Variants in KRTAP10-3 observed in about 807,000 individuals in gnomAD.
KRTAP10-3 encodes keratin-associated protein 10-3.
For synonymous variants in KRTAP10-3, 151 were observed against 126.2 expected, an observed-to-expected ratio of 1.20 and a Z score of -1.32; for missense variants, 341 against 293.4, an observed-to-expected ratio of 1.16 and a Z score of -1.19.
At position 44,558,327 on chromosome 21, in the gene KRTAP10-3, G is replaced by C. The variant is rs200250794; in HGVS notation, c.389C>G (p.Ser130Cys). ...CTGGCAGCATGAAGAGGAAGCCCCA[G>C]AGCAGACGGGCACACAGCAGATGGG... The part of the protein sequence containing the change: ...CKPICCVPVC[S>C]GASSSCCQQS... The change falls in exon 1 of 1, where the codon TCT (serine) becomes TGT (cysteine). Residue 130 changes from serine to cysteine, a missense_variant. Ser to Cys is a moderately radical substitution (Grantham distance 112, BLOSUM62 -1). Coordinates refer to ENST00000391620, the MANE Select transcript of KRTAP10-3 (RefSeq NM_198696.3). The C allele has an allele frequency of 2.1e-4, 344 of 1,613,984 alleles. 1 individual carries two copies. The highest frequency in any genetic ancestry group is 2.5e-4 in the Non-Finnish European group (300 of 1,179,864).
In KRTAP10-3 at chr21:44,558,202, C is replaced by T. The variant is rs782686391; in HGVS notation, c.514G>A (p.Val172Met). 9 of 1,556,604 alleles carry T rather than the reference C, an allele frequency of 5.8e-6. No homozygotes were observed. Among genetic ancestry groups the T allele is most frequent in the Non-Finnish European group, 7.0e-6 (8 of 1,139,852 alleles). The change falls in exon 1 of 1, where the codon GTG becomes ATG. Residue 172 changes from valine to methionine, a missense_variant. Transcript: ENST00000391620. ...CRPVCRSTCC[V>M]PIPSCCAPAS... ...GGGGCACAGCAGGAGGGGATGGGCA[C>T]ACAGCAGGTGGACCTGCACACGGGG...
In KRTAP10-3 at chr21:44,558,543, C is replaced by T. The variant is rs782643732; in HGVS notation, c.173G>A (p.Cys58Tyr). The T allele has an allele frequency of 1.2e-5, 19 of 1,613,274 alleles. No individual in the cohort carries two copies. The highest frequency in any genetic ancestry group is 1.6e-5 in the Non-Finnish European group (19 of 1,179,790). ...GGGGCTGGGCTCACAGGCCGCCTGG[C>T]AGCAGGGGCTGGACACACAGCTCAC... ...TPVSCVSSPCCQAACEPSPCQ... is the reference protein window; with the variant it reads ...TPVSCVSSPCYQAACEPSPCQ... The change falls in exon 1 of 1, where the codon TGC becomes TAC. Residue 58 changes from cysteine to tyrosine, a missense_variant. Coordinates refer to ENST00000391620, the MANE Select transcript of KRTAP10-3 (RefSeq NM_198696.3).
In KRTAP10-3 at chr21:44,558,425, C is replaced by A; in HGVS notation, c.291G>T (p.Gln97His). The A allele has an allele frequency of 6.2e-7, 1 of 1,613,944 alleles. No individual in the cohort carries two copies. The highest frequency in any genetic ancestry group is 1.1e-5 in the South Asian group (1 of 91,070). ...TGCAGCAGACAGGCACGCAGCAGGCCTGCTGGCAGGGGGAGGATGTGCAGC... is the reference window on the plus strand; with the variant it reads ...TGCAGCAGACAGGCACGCAGCAGGCATGCTGGCAGGGGGAGGATGTGCAGC... ...PACCTSSPCQ[Q>H]ACCVPVCCKP... The change falls in exon 1 of 1, where the codon CAG (glutamine) becomes CAT (histidine). Residue 97 changes from glutamine to histidine, a missense_variant. By Grantham distance (24) the Gln-to-His change is conservative (BLOSUM62 0). Transcript: ENST00000391620.
In KRTAP10-3 at chr21:44,558,735, G is replaced by A. The variant is rs782666224; in HGVS notation, c.-20C>T. 4.4e-6 allele frequency: 7 copies of A among 1,577,714 alleles called. No individual in the cohort carries two copies. In the African/African-American group the frequency reaches 8.0e-5, roughly 18 times the overall value. On this transcript the variant is annotated 5_prime_UTR_variant, in exon 1 of 1. Transcript: ENST00000391620. ...GGCCATGCTGGGGTGGGGAGGAGGT[G>A]AGCTGGGGGAGACGTGAGTGAGTGA...
chr21:44,558,764 T>TGGGAGTGAGTGA lies in KRTAP10-3; in HGVS notation c.-61_-50dup. 1.3e-6 allele frequency: 2 copies of TGGGAGTGAGTGA among 1,558,896 alleles called. No individual in the cohort carries two copies. ...TGGGGGAGACGTGAGTGAGTGAGTG[T>TGGGAGTGAGTGA]GGGAGTGAGTGAGGGAGTGAGTGAG... On this transcript the variant is annotated 5_prime_UTR_variant, in exon 1 of 1. Coordinates refer to ENST00000391620, the MANE Select transcript of KRTAP10-3 (RefSeq NM_198696.3).
chr21:44,558,678 T>C lies in KRTAP10-3; in HGVS notation c.38A>G (p.Tyr13Cys), dbSNP rs200908019. 2.6e-4 allele frequency: 425 copies of C among 1,612,518 alleles called. No individual in the cohort carries two copies. In the African/African-American group the frequency reaches 3.1e-3, roughly 12 times the overall value. ...GGCGTCCACCTGCCAGGAGTCAGAG[T>C]AAGCGCTGGAGCAGACGGACATGGT... Reference protein sequence around the residue: ...TSTMSVCSSAYSDSWQVDACP... With the variant: ...TSTMSVCSSACSDSWQVDACP... The change falls in exon 1 of 1, where the codon TAC becomes TGC. Residue 13 changes from tyrosine (Y) to cysteine (C), a missense_variant. Tyr to Cys is a radical substitution (Grantham distance 194). Transcript: ENST00000391620.
At position 44,558,741 on chromosome 21, in the gene KRTAP10-3, G is replaced by C. The variant is rs782201613; in HGVS notation, c.-26C>G. On this transcript the variant is annotated 5_prime_UTR_variant, in exon 1 of 1. Coordinates refer to ENST00000391620, the MANE Select transcript of KRTAP10-3 (RefSeq NM_198696.3). ...GCTGGGGTGGGGAGGAGGTGAGCTG[G>C]GGGAGACGTGAGTGAGTGAGTGTGG... 1.9e-6 allele frequency: 3 copies of C among 1,575,722 alleles called. No individual in the cohort carries two copies. Among genetic ancestry groups the C allele is most frequent in the Admixed American group, 1.7e-5 (1 of 57,464 alleles).
At position 44,558,683 on chromosome 21, in the gene KRTAP10-3, G is replaced by T. The variant is rs144613025; in HGVS notation, c.33C>A (p.Ser11Arg). The change falls in exon 1 of 1, where the codon AGC (serine) becomes AGA (arginine). Residue 11 changes from serine to arginine, a missense_variant. Ser to Arg is a moderately radical substitution (Grantham distance 110). Coordinates refer to ENST00000391620, the MANE Select transcript of KRTAP10-3 (RefSeq NM_198696.3). MATSTMSVCSSAYSDSWQVDA... is the reference protein window; with the variant it reads MATSTMSVCSRAYSDSWQVDA... ...CCACCTGCCAGGAGTCAGAGTAAGC[G>T]CTGGAGCAGACGGACATGGTAGACG... The T allele has an allele frequency of 4.3e-6, 7 of 1,612,178 alleles. No individual in the cohort carries two copies. In the African/African-American group the frequency reaches 5.3e-5, roughly 12 times the overall value.
chr21:44,558,533 G>A lies in KRTAP10-3; in HGVS notation c.183C>T (p.Ala61=), dbSNP rs199618499. The change falls in exon 1 of 1, where the codon GCC becomes GCT. Residue 61 remains alanine, a synonymous_variant. Coordinates refer to ENST00000391620, the MANE Select transcript of KRTAP10-3 (RefSeq NM_198696.3). ...SCVSSPCCQA[A]CEPSPCQSGC... is the part of the protein sequence containing the mutation. The stretch of plus-strand genomic sequence containing the variant: ...CTGACTGGCAGGGGCTGGGCTCACA[G>A]GCCGCCTGGCAGCAGGGGCTGGACA... 2 of 1,613,500 alleles carry A rather than the reference G, an allele frequency of 1.2e-6. No individual in the cohort carries two copies. The highest frequency in any genetic ancestry group is 8.5e-7 in the Non-Finnish European group (1 of 1,179,812).
rs1239699490 is a variant in KRTAP10-3, at chr21:44,558,618, G to A, written c.98C>T (p.Ala33Val). ...GGGGGCCGGGGCGCAGCAGCTGGTGGCGCAGCAGGGGGGCTCACAGCAGCT... is the reference window on the plus strand; with the variant it reads ...GGGGGCCGGGGCGCAGCAGCTGGTGACGCAGCAGGGGGGCTCACAGCAGCT... ...PESCCEPPCCATSCCAPAPCL... is the reference protein window; with the variant it reads ...PESCCEPPCCVTSCCAPAPCL... The change falls in exon 1 of 1, where the codon GCC becomes GTC. Residue 33 changes from alanine to valine, a missense_variant. Transcript: ENST00000391620. 3 of 1,606,060 alleles carry A rather than the reference G, an allele frequency of 1.9e-6. No homozygotes were observed. Among genetic ancestry groups the A allele is most frequent in the East Asian group, 4.5e-5 (2 of 44,840 alleles).
chr21:44,557,967 A>C lies in KRTAP10-3; in HGVS notation c.*83T>G. ...GGTGCAGTGGCTATGGGCAGAGGAG[A>C]CTCAGACAGGGCTCAGGGCTGCAAG... On this transcript the variant is annotated 3_prime_UTR_variant, in exon 1 of 1. Coordinates refer to ENST00000391620, the MANE Select transcript of KRTAP10-3 (RefSeq NM_198696.3). 6.7e-7 allele frequency: 1 copy of C among 1,486,506 alleles called. No homozygotes were observed. Among genetic ancestry groups the C allele is most frequent in the East Asian group, 2.3e-5 (1 of 43,436 alleles). 92.1% of individuals were successfully genotyped at this position (1,486,506 alleles called of 1,614,324 possible).
rs374857522 is a variant in KRTAP10-3 at position 44,558,203 on chromosome 21, A to G, written c.513T>C (p.Cys171=). ...GGGCACAGCAGGAGGGGATGGGCAC[A>G]CAGCAGGTGGACCTGCACACGGGGC... ...LCRPVCRSTC[C]VPIPSCCAPA... Residue 171 remains cysteine (C), a synonymous_variant, in exon 1 of 1, where the codon TGT becomes TGC. Coordinates refer to ENST00000391620, the MANE Select transcript of KRTAP10-3 (RefSeq NM_198696.3). 8.2e-5 allele frequency: 127 copies of G among 1,557,368 alleles called. No homozygotes were observed. Among genetic ancestry groups the G allele is most frequent in the Middle Eastern group, 1.7e-4 (1 of 5,840 alleles).
In KRTAP10-3 at chr21:44,558,568, C is replaced by G. The variant is rs1250120036; in HGVS notation, c.148G>C (p.Val50Leu). ...APCLTLVCTPVSCVSSPCCQA... is the reference protein window; with the variant it reads ...APCLTLVCTPLSCVSSPCCQA... ...CAGCAGGGGCTGGACACACAGCTCA[C>G]TGGGGTGCAGACCAGGGTCAGGCAG... The change falls in exon 1 of 1, where the codon GTG (valine) becomes CTG (leucine). Residue 50 changes from valine (V) to leucine (L), a missense_variant. Val to Leu is a conservative substitution (Grantham distance 32). Coordinates refer to ENST00000391620, the MANE Select transcript of KRTAP10-3 (RefSeq NM_198696.3). 1.2e-6 allele frequency: 2 copies of G among 1,612,108 alleles called. No individual in the cohort carries two copies. The highest frequency in any genetic ancestry group is 1.7e-6 in the Non-Finnish European group (2 of 1,179,218).
At position 44,557,886 on chromosome 21, in the gene KRTAP10-3, G is replaced by T; in HGVS notation, c.*164C>A. On this transcript the variant is annotated 3_prime_UTR_variant, in exon 1 of 1. Transcript: ENST00000391620. ...CTGGCCAGCATGGAGATGAGGGTGTGGGAGAGATGCATGCCTGGAGGGAAT... is the reference window on the plus strand; with the variant it reads ...CTGGCCAGCATGGAGATGAGGGTGTTGGAGAGATGCATGCCTGGAGGGAAT... 1 of 816,224 alleles carries T rather than the reference G, an allele frequency of 1.2e-6. No individual in the cohort carries two copies. 50.6% of individuals were successfully genotyped at this position (816,224 alleles called of 1,614,324 possible). A position where few individuals can be genotyped will look rare whatever the true frequency, so the allele number is the denominator to read the frequency against.
rs1601413049 is a variant in KRTAP10-3 at position 44,557,876 on chromosome 21, A to G, written c.*174T>C. On this transcript the variant is annotated 3_prime_UTR_variant, in exon 1 of 1. Transcript: ENST00000391620. Reference sequence around the variant, plus strand: ...TGACCACCGGCTGGCCAGCATGGAGATGAGGGTGTGGGAGAGATGCATGCC... The same window carrying G: ...TGACCACCGGCTGGCCAGCATGGAGGTGAGGGTGTGGGAGAGATGCATGCC... 2 of 755,112 alleles carry G rather than the reference A, an allele frequency of 2.6e-6. No individual in the cohort carries two copies. The highest frequency in any genetic ancestry group is 1.9e-5 in the South Asian group (1 of 52,864). The allele number at this position is 755,112 out of a possible 1,614,324, so 46.8% of individuals were successfully genotyped here.
At position 44,558,108 on chromosome 21, in the gene KRTAP10-3, C is replaced by A. The variant is rs1368130861; in HGVS notation, c.608G>T (p.Cys203Phe). 41 of 1,610,240 alleles carry A rather than the reference C, an allele frequency of 2.5e-5. No homozygotes were observed. Among genetic ancestry groups the A allele is most frequent in the Non-Finnish European group, 3.1e-5 (37 of 1,177,718 alleles). Residue 203 changes from cysteine (C) to phenylalanine (F), a missense_variant, in exon 1 of 1, where the codon TGC (cysteine) becomes TTC (phenylalanine). Transcript: ENST00000391620. ...SCVSLLCRPTCSRLSSACCGL... is the reference protein window; with the variant it reads ...SCVSLLCRPTFSRLSSACCGL... Reference sequence around the variant, plus strand: ...GCAGCACGCGGAAGAGAGGCGGGAGCACGTGGGGCGGCAGAGGAGGGACAC... The same window carrying A: ...GCAGCACGCGGAAGAGAGGCGGGAGAACGTGGGGCGGCAGAGGAGGGACAC...
At position 44,558,434 on chromosome 21, in the gene KRTAP10-3, G is replaced by C; in HGVS notation, c.282C>G (p.Pro94=). The C allele has an allele frequency of 6.2e-7, 1 of 1,614,126 alleles. No individual in the cohort carries two copies. The highest frequency in any genetic ancestry group is 8.5e-7 in the Non-Finnish European group (1 of 1,179,974). ...CAGGCACGCAGCAGGCCTGCTGGCA[G>C]GGGGAGGATGTGCAGCAAGCTGGCT... ...SCQPACCTSS[P]CQQACCVPVC... The change falls in exon 1 of 1, where the codon CCC becomes CCG. Residue 94 remains proline, a synonymous_variant. Coordinates refer to ENST00000391620, the MANE Select transcript of KRTAP10-3 (RefSeq NM_198696.3).
chr21:44,558,183 C>G lies in KRTAP10-3; in HGVS notation c.533G>C (p.Cys178Ser). 1 of 1,549,680 alleles carries G rather than the reference C, an allele frequency of 6.5e-7. No individual in the cohort carries two copies. Among genetic ancestry groups the G allele is most frequent in the Non-Finnish European group, 8.8e-7 (1 of 1,136,290 alleles). The change falls in exon 1 of 1, where the codon TGT (cysteine) becomes TCT (serine). Residue 178 changes from cysteine (C) to serine (S), a missense_variant. Transcript: ENST00000391620. ...GGGCTGGCAGGTGGAGGCAGGGGCA[C>G]AGCAGGAGGGGATGGGCACACAGCA... Reference protein sequence around the residue: ...STCCVPIPSCCAPASTCQPSC... With the variant: ...STCCVPIPSCSAPASTCQPSC...
Position 44,558,122 on chromosome 21 carries a change from G to C in KRTAP10-3, c.594C>G (p.Leu198=). The change falls in exon 1 of 1, where the codon CTC becomes CTG. Residue 198 remains leucine (L), a synonymous_variant. Transcript: ENST00000391620. The part of the protein sequence containing the change: ...CCRPASCVSL[L]CRPTCSRLSS... ...AGAGGCGGGAGCACGTGGGGCGGCA[G>C]AGGAGGGACACGCAGGAGGCCGGGC... 4 of 1,612,960 alleles carry C rather than the reference G, an allele frequency of 2.5e-6. No homozygotes were observed. Among genetic ancestry groups the C allele is most frequent in the Non-Finnish European group, 3.4e-6 (4 of 1,179,442 alleles).
Sources: gnomAD v4.1 joint callset for allele counts on GRCh38, gnomAD v4.1.1 for gene constraint, MANE v1.5 for transcripts, NCBI Gene and HGNC (gene_info 2026-07-23, HGNC 2026-07-21) for gene names.